Variants in PARD3B observed in about 807,000 individuals in gnomAD.
PARD3B encodes partitioning defective 3 homolog B.
PARD3B carries 103 observed loss-of-function variants against 130.2 expected under a neutral mutation model. The observed-to-expected ratio is 0.79, with a 90% confidence interval of 0.67 to 0.93. The LOEUF (loss-of-function observed/expected upper bound fraction) is 0.93. PARD3B is among the 40% of genes least tolerant of loss of function. The probability of loss-of-function intolerance (pLI) is 0.00; values close to 1 mark genes in which losing one functional copy is unlikely to be tolerated. For synonymous variants in PARD3B, 583 were observed against 553.2 expected, an observed-to-expected ratio of 1.05 and a Z score of -0.76; for missense variants, 1,609 against 1,499.2, an observed-to-expected ratio of 1.07 and a Z score of -1.21.
In PARD3B at chr2:205,300,646, C is replaced by T. The variant is rs1382146805; in HGVS notation, c.2302C>T (p.Arg768Trp). ...GAATGACCTTCCCTTTCACAGGCCCCGGCCGCACATGGTTCGAGGCCGAGG... is the reference window on the plus strand; with the variant it reads ...GAATGACCTTCCCTTTCACAGGCCCTGGCCGCACATGGTTCGAGGCCGAGG... ...RKNDLPFHRPRPHMVRGRGCN... is the reference protein window; with the variant it reads ...RKNDLPFHRPWPHMVRGRGCN... Residue 768 changes from arginine (R) to tryptophan (W), a missense_variant, in exon 17 of 23, where the codon CGG becomes TGG. Physicochemically the swap from Arg to Trp is moderately radical, Grantham distance 101. Coordinates refer to ENST00000406610, the MANE Select transcript of PARD3B (RefSeq NM_001302769.2). The surrounding 1 kb of genome is among the most constrained non-coding windows in gnomAD (Gnocchi z 4.1). The T allele has an allele frequency of 1.5e-5, 24 of 1,613,872 alleles. No individual in the cohort carries two copies. The highest frequency in any genetic ancestry group is 1.1e-4 in the African/African-American group (8 of 75,014).
chr2:205,056,914 C>CATAT (rs34573981), intron 4 of PARD3B, among the ~76,000 whole-genome samples: 134 of 124,730 alleles, frequency 1.1e-3, no homozygotes, highest in African/African-American at 2.9e-3. Flanking sequence ...CACACACACA[C>CATAT]ATATATATAT....
At chr2:205,406,187 T>C (rs1187192731) in intron 19 of PARD3B, among the ~76,000 whole-genome samples, 1 of 152,250 alleles carries the variant, frequency 6.6e-6, no homozygotes, top group East Asian at 1.9e-4. Context: ...ATCGGTTTTG[T>C]AGCATCCATT....
At position 205,585,774 on chromosome 2, in the gene PARD3B, GA is replaced by G. The variant is rs1201768639; in HGVS notation, c.3261-29680del. Among the ~76,000 whole-genome samples, 1 of 152,198 alleles carries G rather than the reference GA, an allele frequency of 6.6e-6. No homozygotes were observed. The highest frequency in any genetic ancestry group is 1.5e-5 in the Non-Finnish European group (1 of 68,048). ...CTGTTTCTCCCCCACCACATTTCAG[GA>G]AGGGCTTTGAACTGGATTTCGGTAG... is the stretch of plus-strand genomic sequence containing the variant. On this transcript the variant is annotated intron_variant, in intron 22 of 22. Transcript: ENST00000406610. The surrounding 1 kb of genome is among the most constrained non-coding windows in gnomAD (Gnocchi z 5.4).
At chr2:205,512,977 CT>C (rs1044757654) in intron 21 of PARD3B, among the ~76,000 whole-genome samples, 1 of 136,238 alleles carries the variant, frequency 7.3e-6, no homozygotes, top group Non-Finnish European at 1.6e-5. Flanking sequence ...CTATCATCTA[CT>C]TTTTTTCCTT....
At chr2:205,443,819 T>C (rs2047810137) in intron 20 of PARD3B, among the ~76,000 whole-genome samples, 1 of 152,110 alleles carries the variant, frequency 6.6e-6, no homozygotes, top group South Asian at 2.1e-4. Context: ...CTGCTACTTA[T>C]TGATTGGTAG....
chr2:204,652,729 A>AGTTCTTTCTACAG (rs2035520459), intron 1 of PARD3B, among the ~76,000 whole-genome samples: 38 of 151,794 alleles, frequency 2.5e-4, no homozygotes, highest in African/African-American at 8.8e-4. Flanking sequence ...GAGACTGGGT[A>AGTTCTTTCTACAG]ATTTATGAGC....
intron 18 of PARD3B, among the ~76,000 whole-genome samples, chr2:205,348,484 G>C (rs1472571628): frequency 6.6e-6 from 1 of 152,142 alleles, no homozygotes; most frequent in Non-Finnish European, 1.5e-5. Context: ...GATTAGAATG[G>C]GCAGGAGAGA....
At chr2:205,416,333 C>A (rs932866408) in intron 19 of PARD3B, among the ~76,000 whole-genome samples, 1 of 152,104 alleles carries the variant, frequency 6.6e-6, no homozygotes, top group Middle Eastern at 3.2e-3. Context: ...CATCTGATAA[C>A]CATTCCTTAA....
intron 3 of PARD3B, among the ~76,000 whole-genome samples, chr2:205,010,732 AT>A (rs200491232): frequency 2.0e-5 from 3 of 151,098 alleles, no homozygotes; most frequent in African/African-American, 4.9e-5. Context: ...CCAGACATGG[AT>A]TTTTTTTTCT....
chr2:204,808,866 T>C (rs911446567), intron 2 of PARD3B, among the ~76,000 whole-genome samples: 2 of 152,146 alleles, frequency 1.3e-5, no homozygotes, highest in Non-Finnish European at 1.5e-5. Context: ...GATTGCTGGG[T>C]TCAATGGCAG....
chr2:205,216,942 T>C (rs2037945971), intron 15 of PARD3B, among the ~76,000 whole-genome samples: 1 of 152,146 alleles, frequency 6.6e-6, no homozygotes, highest in Admixed American at 6.6e-5. Context: ...CTCTTGACTT[T>C]CTGGCTCTCG....
intron 20 of PARD3B, among the ~76,000 whole-genome samples, chr2:205,488,732 C>T (rs1038599983): frequency 1.3e-5 from 2 of 152,172 alleles, no homozygotes; most frequent in Admixed American, 1.3e-4. Context: ...GGAACTGACA[C>T]TGACCAAAGG....
In PARD3B at chr2:205,205,391, AC is replaced by A. The variant is rs1030888412; in HGVS notation, c.2140+12072del. On this transcript the variant is annotated intron_variant, in intron 15 of 22. Coordinates refer to ENST00000406610, the MANE Select transcript of PARD3B (RefSeq NM_001302769.2). ...AAATATACAGTCATATCATCTGCAA[AC>A]AGAGATAATTTGACTTCCTGTCTTC... Among the ~76,000 whole-genome samples the A allele has an allele frequency of 2.1e-4, 32 of 152,166 alleles. 2 individuals carry two copies.
At chr2:205,018,407 A>T (rs1373767545) in intron 3 of PARD3B, among the ~76,000 whole-genome samples, 1 of 152,140 alleles carries the variant, frequency 6.6e-6, no homozygotes, top group Non-Finnish European at 1.5e-5. Context: ...TAGGAGACCA[A>T]CATTCTACCA....
intron 16 of PARD3B, among the ~76,000 whole-genome samples, chr2:205,294,901 A>G (rs2041733671): frequency 6.6e-6 from 1 of 152,196 alleles, no homozygotes; most frequent in African/African-American, 2.4e-5. Flanking sequence ...ATGATGATCA[A>G]TATTTGGAAC....
Position 205,381,029 on chromosome 2 carries a change from T to TA in PARD3B, c.2631-19984_2631-19983insA, listed in dbSNP as rs1194660288. Among the ~76,000 whole-genome samples the TA allele has an allele frequency of 1.5e-3, 38 of 25,372 alleles. 1 individual carries two copies. The highest frequency in any genetic ancestry group is 3.4e-3 in the South Asian group (1 of 290). 16.6% of individuals were successfully genotyped at this position (25,372 alleles called of 152,430 possible). Reference sequence around the variant, plus strand: ...TAATATAAAGAATATATATGATATATTATATATAAAGAATATATATTATAT... The same window carrying TA: ...TAATATAAAGAATATATATGATATATATATATATAAAGAATATATATTATAT... On this transcript the variant is annotated intron_variant, in intron 18 of 22. Coordinates refer to ENST00000406610, the MANE Select transcript of PARD3B (RefSeq NM_001302769.2).
intron 2 of PARD3B, among the ~76,000 whole-genome samples, chr2:204,879,124 A>G (rs1393375076): frequency 6.6e-6 from 1 of 152,170 alleles, no homozygotes; most frequent in Admixed American, 6.5e-5. Context: ...TGAAGAAACA[A>G]TTTCTGGCAG....
intron 1 of PARD3B, among the ~76,000 whole-genome samples, chr2:204,685,824 G>C (rs2037049434): frequency 6.6e-6 from 1 of 152,016 alleles, no homozygotes; most frequent in South Asian, 2.1e-4. Flanking sequence ...TTTATTCCTA[G>C]TTTCAGAAAG....
chr2:204,655,734 AG>A (rs1343361411), intron 1 of PARD3B, among the ~76,000 whole-genome samples: 1 of 152,082 alleles, frequency 6.6e-6, no homozygotes, highest in East Asian at 1.9e-4. Flanking sequence ...GGATTAAAGG[AG>A]GTCAGCATAT....
Sources: allele counts gnomAD v4.1 joint callset (sites outside exome capture counted in the v4.1 genomes callset), GRCh38; gene constraint gnomAD v4.1.1; non-coding constraint Gnocchi (gnomAD v3.1); transcripts MANE v1.5; gene names NCBI Gene and HGNC (gene_info 2026-07-23, HGNC 2026-07-21).